The following RGS6 variants were observed in gnomAD, a reference collection of about 807,000 sequenced individuals.
The protein encoded by RGS6 is regulator of G-protein signaling 6.
In RGS6, 30 loss-of-function variants were observed where a neutral mutation model predicts 78.5. That is an observed-to-expected ratio of 0.38 (90% CI 0.29 to 0.52). The LOEUF (loss-of-function observed/expected upper bound fraction) is 0.52. Among genes scored for constraint, RGS6 ranks in the 20% least tolerant of loss-of-function variants. The probability of loss-of-function intolerance (pLI) is 0.85; values close to 1 mark genes in which losing one functional copy is unlikely to be tolerated. For synonymous variants in RGS6, 206 were observed against 206.0 expected (o/e 1.00, Z 0.00); for missense variants, 495 against 609.7 (o/e 0.81, Z 1.98).
chr14:72,474,943 G>C (rs2096196460), intron 10 of RGS6, among the ~76,000 whole-genome samples: 1 of 151,896 alleles, frequency 6.6e-6, no homozygotes, highest in Admixed American at 6.6e-5. Context: ...CAGGCAACAG[G>C]GCCATGAATG....
the RGS6 span, among the ~76,000 whole-genome samples, chr14:71,872,319 G>T: frequency 6.6e-6 from 1 of 150,624 alleles, no homozygotes; most frequent in Non-Finnish European, 1.5e-5. Context: ...ATGGTACACA[G>T]TTTCCAGGAC....
downstream of RGS6, among the ~76,000 whole-genome samples, chr14:72,568,914 A>C (rs747832322): frequency 5.3e-5 from 8 of 152,254 alleles, no homozygotes; most frequent in Non-Finnish European, 1.2e-4. Context: ...CAAGAAAATA[A>C]AGCCTGGTTC....
In RGS6 at chr14:72,464,506, C is replaced by T. The variant is rs79224689; in HGVS notation, c.395-1252C>T. On this transcript the variant is annotated intron_variant, in intron 6 of 17. Coordinates refer to ENST00000553525, the MANE Select transcript of RGS6 (RefSeq NM_001204424.2). ...ATAGGTATCAGTAAATTTTTCAGAA[C>T]AAATGAAGGAAGTTGGTTGATCCAG... 2.7e-3 allele frequency among the ~76,000 whole-genome samples: 415 copies of T among 152,280 alleles called. 2 individuals are homozygous for T. The highest frequency in any genetic ancestry group is 9.7e-3 in the African/African-American group (403 of 41,560).
intron 2 of RGS6, among the ~76,000 whole-genome samples, chr14:72,260,558 G>A (rs561835004): frequency 6.6e-6 from 1 of 152,304 alleles, no homozygotes; most frequent in East Asian, 1.9e-4. Context: ...CTCATAAAGA[G>A]TATTGGGGAA....
chr14:71,915,720 C>G, the RGS6 span, among the ~76,000 whole-genome samples: 1 of 152,156 alleles, frequency 6.6e-6, no homozygotes, highest in Non-Finnish European at 1.5e-5. Flanking sequence ...TTTTGGGTCT[C>G]CCGTGCTCCC....
chr14:72,279,571 A>C (rs951189247), intron 2 of RGS6, among the ~76,000 whole-genome samples: 1 of 152,198 alleles, frequency 6.6e-6, no homozygotes, highest in African/African-American at 2.4e-5. Context: ...CTACAAAGCC[A>C]CCACAGACTC....
intron 2 of RGS6, among the ~76,000 whole-genome samples, chr14:72,076,771 A>G (rs2094587832): frequency 6.6e-6 from 1 of 152,036 alleles, no homozygotes; most frequent in African/African-American, 2.4e-5. Context: ...GGCTCAAGTA[A>G]TCCTCCCACC....
rs183284068 is a variant in RGS6, at chr14:72,545,783, C to T, written c.1422+5689C>T. Among the ~76,000 whole-genome samples, 4 of 152,268 alleles carry T rather than the reference C, an allele frequency of 2.6e-5. No homozygotes were observed. In the East Asian group the frequency reaches 7.7e-4, roughly 29 times the overall value. On this transcript the variant is annotated intron_variant, in intron 17 of 17. Transcript: ENST00000553525. ...ACACCACAGGCCCTGCTCAGTTGTT[C>T]AGGGTTCACTCGTCCACGGTGAGTC...
At chr14:72,541,267 A>T in intron 17 of RGS6, 1 of 1,449,488 alleles carries the variant, frequency 6.9e-7, no homozygotes, top group Non-Finnish European at 9.2e-7. Flanking sequence ...TTTAAGAAAA[A>T]GTCTAAGGCT....
intron 2 of RGS6, among the ~76,000 whole-genome samples, chr14:72,002,719 G>A (rs1174163285): frequency 6.6e-6 from 1 of 152,218 alleles, no homozygotes; most frequent in African/African-American, 2.4e-5. Flanking sequence ...AGTAGACTGT[G>A]TGTTTCTGGG....
At chr14:72,210,356 C>G (rs575573045) in intron 2 of RGS6, among the ~76,000 whole-genome samples, 1 of 152,226 alleles carries the variant, frequency 6.6e-6, no homozygotes, top group East Asian at 1.9e-4. Context: ...TTTTTTTCAC[C>G]TACATTTGGT....
chr14:72,099,548 G>C (rs1428856320), intron 2 of RGS6, among the ~76,000 whole-genome samples: 2 of 152,150 alleles, frequency 1.3e-5, no homozygotes, highest in East Asian at 3.9e-4. Context: ...TCACACATCT[G>C]TAAGATTTGT....
At chr14:72,359,237 A>G (rs2080988308) in intron 3 of RGS6, among the ~76,000 whole-genome samples, 1 of 152,152 alleles carries the variant, frequency 6.6e-6, no homozygotes, top group East Asian at 1.9e-4. Context: ...AGTAGAACAG[A>G]TATTATTAGC....
At chr14:72,233,341 CT>C (rs2050152263) in intron 2 of RGS6, among the ~76,000 whole-genome samples, 1 of 152,144 alleles carries the variant, frequency 6.6e-6, no homozygotes, top group Non-Finnish European at 1.5e-5. Context: ...TTATTTTCCA[CT>C]TGGCCTGGAG....
At chr14:72,297,754 C>T (rs551413446) in intron 2 of RGS6, among the ~76,000 whole-genome samples, 20 of 151,662 alleles carry the variant, frequency 1.3e-4, no homozygotes, top group East Asian at 7.7e-4. Context: ...TCATCATTCT[C>T]GGTATATATT....
chr14:72,241,299 C>T (rs1292000251), intron 2 of RGS6, among the ~76,000 whole-genome samples: 1 of 152,154 alleles, frequency 6.6e-6, no homozygotes, highest in Non-Finnish European at 1.5e-5. Context: ...AGTCCATGTG[C>T]ATATTAACAA....
At chr14:72,244,092 A>T (rs847252) in intron 2 of RGS6, among the ~76,000 whole-genome samples, 33,607 of 152,012 alleles carry the variant, frequency 0.22, 4,288 homozygotes, top group South Asian at 0.27. Flanking sequence ...TACGGAGTCA[A>T]CCTGAGATTC....
intron 3 of RGS6, among the ~76,000 whole-genome samples, chr14:72,394,267 C>T (rs1217128668): frequency 6.6e-6 from 1 of 152,054 alleles, no homozygotes; most frequent in Admixed American, 6.5e-5. Flanking sequence ...ACAAAACCAG[C>T]AGGTTTTTAC....
intron 3 of RGS6, among the ~76,000 whole-genome samples, chr14:72,450,444 G>T (rs1213335369): frequency 6.6e-6 from 1 of 151,992 alleles, no homozygotes; most frequent in Non-Finnish European, 1.5e-5. Context: ...AATAAAACAC[G>T]CATGCAATGG....
Sources: allele counts gnomAD v4.1 joint callset (sites outside exome capture counted in the v4.1 genomes callset), GRCh38; gene constraint gnomAD v4.1.1; transcripts MANE v1.5; gene names NCBI Gene and HGNC (gene_info 2026-07-23, HGNC 2026-07-21).